Variants in LRP1B observed in about 807,000 individuals in gnomAD.
LRP1B encodes low-density lipoprotein receptor-related protein 1B.
LRP1B carries 217 observed loss-of-function variants against 556.6 expected under a neutral mutation model. The observed-to-expected ratio is 0.39, with a 90% CI of 0.35 to 0.44. The LOEUF is 0.44. Ranked by LOEUF, LRP1B falls within the 20% of genes least tolerant of loss-of-function variation. The pLI, the probability that LRP1B is intolerant of heterozygous loss-of-function variation, is 1.00. For missense variants in LRP1B, 5,053 were observed against 5,620.8 expected, an observed-to-expected ratio of 0.90 and a Z score of 3.23; for synonymous variants, 2,047 against 1,865.8, an observed-to-expected ratio of 1.10 and a Z score of -2.50.
chr2:140,977,487 A>T (rs779102179), intron 18 of LRP1B, among the ~76,000 whole-genome samples: 4 of 152,198 alleles, frequency 2.6e-5, no homozygotes, highest in Non-Finnish European at 5.9e-5. Flanking sequence ...AATTTTGCAT[A>T]TATAGACATT....
intron 1 of LRP1B, among the ~76,000 whole-genome samples, chr2:141,955,777 G>T (rs1268806807): frequency 1.3e-5 from 2 of 152,098 alleles, no homozygotes; most frequent in Non-Finnish European, 2.9e-5. Flanking sequence ...TCTGGTTTCA[G>T]TAGCCTGTCT....
chr2:142,070,304 T>TAA (rs1452685494), intron 1 of LRP1B, among the ~76,000 whole-genome samples: 1 of 151,836 alleles, frequency 6.6e-6, no homozygotes, highest in African/African-American at 2.4e-5. Context: ...TCCTCTCATT[T>TAA]AAGTCACACC....
chr2:140,525,256 G>A (rs1690381370), intron 49 of LRP1B, among the ~76,000 whole-genome samples: 1 of 151,476 alleles, frequency 6.6e-6, no homozygotes, highest in Non-Finnish European at 1.5e-5. Flanking sequence ...TTAATTTCAT[G>A]TCCTCAAATA....
rs185748511 is a variant in LRP1B, at chr2:140,285,207, C to T, written c.12968-10609G>A. ...TACATCTATATCTATATATGGATATCTATGGATAGAGATATAGATAGGTAT... is the reference window on the plus strand; with the variant it reads ...TACATCTATATCTATATATGGATATTTATGGATAGAGATATAGATAGGTAT... On this transcript the variant is annotated intron_variant, in intron 84 of 90. Transcript: ENST00000389484. Among the ~76,000 whole-genome samples, 261 of 149,448 alleles carry T rather than the reference C, an allele frequency of 1.7e-3. 1 individual carries two copies. The highest frequency in any genetic ancestry group is 6.6e-3 in the Admixed American group (98 of 14,882).
chr2:141,813,360 T>C (rs1276677489), intron 1 of LRP1B, among the ~76,000 whole-genome samples: 1 of 152,106 alleles, frequency 6.6e-6, no homozygotes, highest in Non-Finnish European at 1.5e-5. Context: ...TCAGAGTATA[T>C]GTCACAGAGA....
intron 8 of LRP1B, among the ~76,000 whole-genome samples, chr2:141,059,703 A>C (rs1558832358): frequency 6.6e-6 from 1 of 151,794 alleles, no homozygotes; most frequent in Non-Finnish European, 1.5e-5. Flanking sequence ...GAGAATTATG[A>C]TGTTTATTGC....
intron 79 of LRP1B, among the ~76,000 whole-genome samples, chr2:140,331,651 T>A (rs1470734786): frequency 5.4e-5 from 8 of 148,984 alleles, no homozygotes; most frequent in African/African-American, 9.9e-5. Context: ...TTCATATATC[T>A]GGCATTTTTA....
chr2:142,056,878 A>T (rs993273331), intron 1 of LRP1B, among the ~76,000 whole-genome samples: 19 of 151,320 alleles, frequency 1.3e-4, no homozygotes, highest in African/African-American at 4.6e-4. Flanking sequence ...AATCTATTTT[A>T]TATTTAATAT....
At chr2:141,254,971 A>G (rs1295217513) in intron 3 of LRP1B, among the ~76,000 whole-genome samples, 2 of 152,062 alleles carry the variant, frequency 1.3e-5, no homozygotes, top group African/African-American at 2.4e-5. Context: ...TGTCTTTCCT[A>G]TCTGACACAT....
intron 7 of LRP1B, among the ~76,000 whole-genome samples, chr2:141,088,307 T>C (rs1023034910): frequency 3.9e-5 from 6 of 152,226 alleles, no homozygotes; most frequent in Non-Finnish European, 8.8e-5. Context: ...ATTTGCCTAT[T>C]TCTTTAATTA....
intron 7 of LRP1B, among the ~76,000 whole-genome samples, chr2:141,096,616 G>A (rs897713826): frequency 1.0e-5 from 1 of 98,260 alleles, no homozygotes; most frequent in African/African-American, 3.6e-5. Context: ...GAATGACAAA[G>A]ACGGGGAGAG....
intron 3 of LRP1B, among the ~76,000 whole-genome samples, chr2:141,262,385 C>T (rs1684727722): frequency 1.3e-5 from 2 of 151,932 alleles, no homozygotes; most frequent in African/African-American, 4.8e-5. Context: ...TATAGTTTCT[C>T]TTTGCATTCT....
intron 67 of LRP1B, among the ~76,000 whole-genome samples, chr2:140,382,428 T>C (rs1343107898): frequency 3.9e-5 from 6 of 152,202 alleles, no homozygotes; most frequent in Non-Finnish European, 5.9e-5. Context: ...TTGATAAAGA[T>C]ATTATAGATA....
chr2:141,423,621 T>C (rs1191675375), intron 3 of LRP1B, among the ~76,000 whole-genome samples: 4 of 152,134 alleles, frequency 2.6e-5, no homozygotes, highest in Admixed American at 1.3e-4. Context: ...CAGGCTTTCA[T>C]TGGTAAAGTG....
chr2:141,948,033 C>T (rs983424522), intron 1 of LRP1B, among the ~76,000 whole-genome samples: 2 of 152,066 alleles, frequency 1.3e-5, no homozygotes, highest in Non-Finnish European at 2.9e-5. Context: ...CACAGTGGCT[C>T]ACATCTGTAA....
At chr2:140,733,788 T>A (rs1338776420) in intron 35 of LRP1B, among the ~76,000 whole-genome samples, 3 of 152,152 alleles carry the variant, frequency 2.0e-5, no homozygotes, top group African/African-American at 7.2e-5. Flanking sequence ...CAAAACTTAA[T>A]GAAAGGCAAA....
At chr2:141,425,026 G>A (rs527555468) in intron 3 of LRP1B, among the ~76,000 whole-genome samples, 33 of 150,950 alleles carry the variant, frequency 2.2e-4, no homozygotes, top group African/African-American at 5.8e-4. Context: ...CCATTAACTC[G>A]TCATTTAGCA....
At chr2:140,769,108 T>A (rs376004798) in intron 35 of LRP1B, 105 bp downstream of exon 35, 1 of 1,041,238 alleles carries the variant, frequency 9.6e-7, no homozygotes. Flanking sequence ...CTTTCTTATT[T>A]CTCATCTTGA....
At chr2:140,397,540 C>T (rs1684307419) in intron 66 of LRP1B, among the ~76,000 whole-genome samples, 1 of 152,094 alleles carries the variant, frequency 6.6e-6, no homozygotes, top group Non-Finnish European at 1.5e-5. Flanking sequence ...CATAGTCATA[C>T]AACACAGGGG....
Sources: gnomAD v4.1 joint callset for allele counts (sites outside exome capture counted in the v4.1 genomes callset) on GRCh38, gnomAD v4.1.1 for gene constraint, MANE v1.5 for transcripts, NCBI Gene and HGNC (gene_info 2026-07-23, HGNC 2026-07-21) for gene names.